Variants in WDR41 observed in about 807,000 individuals in gnomAD.
WDR41 encodes WD repeat-containing protein 41.
In WDR41, 63 loss-of-function variants were observed where a neutral mutation model predicts 69.3. That is an observed-to-expected ratio of 0.91 (90% CI 0.74 to 1.12). The LOEUF (loss-of-function observed/expected upper bound fraction) is 1.12, where lower values mean the gene tolerates loss of function less well. WDR41 is among the 50% of genes most tolerant of loss of function. The probability of loss-of-function intolerance (pLI) is 0.00; values close to 1 mark genes in which losing one functional copy is unlikely to be tolerated. For synonymous variants in WDR41, 185 were observed against 192.1 expected (o/e 0.96, Z 0.31); for missense variants, 543 against 534.5 (o/e 1.02, Z -0.16).
chr5:77,532,285 GA>G (rs765280764), intron 1 of WDR41, among the ~76,000 whole-genome samples: 2 of 151,968 alleles, frequency 1.3e-5, no homozygotes, highest in Non-Finnish European at 2.9e-5. Flanking sequence ...AGTTCAGGGG[GA>G]AAAATGGACA....
chr5:77,444,543 T>C (rs1397494086), intron 8 of WDR41, among the ~76,000 whole-genome samples: 2 of 152,262 alleles, frequency 1.3e-5, no homozygotes, highest in South Asian at 4.1e-4. Context: ...TCCACACTTG[T>C]TGGTATTCTC....
chr5:77,501,279 T>C (rs6883348), intron 1 of WDR41, among the ~76,000 whole-genome samples: 89,919 of 152,184 alleles, frequency 0.59, 27,845 homozygotes, highest in African/African-American at 0.77. Context: ...ACTGCTAGTG[T>C]AGCTGTCTGA....
chr5:77,471,315 G>C (rs1459766301), intron 2 of WDR41, among the ~76,000 whole-genome samples: 3 of 152,110 alleles, frequency 2.0e-5, no homozygotes, highest in East Asian at 1.9e-4. Flanking sequence ...ATGCCCACAA[G>C]AGAAAGCAGG....
chr5:77,434,087 C>G (rs893263833), intron 12 of WDR41, among the ~76,000 whole-genome samples: 3 of 151,790 alleles, frequency 2.0e-5, no homozygotes, highest in Non-Finnish European at 4.4e-5. Context: ...CTCAGCACTT[C>G]GGGAGGCTGA....
At chr5:77,598,654 TTG>T (rs71685763) in intron 1 of WDR41, among the ~76,000 whole-genome samples, 23,899 of 142,746 alleles carry the variant, frequency 0.17, 2,402 homozygotes, top group East Asian at 0.42. Context: ...CTTTTTTTTT[TTG>T]TTTTTTTTGT....
chr5:77,488,830 TATGTAATTATTATGGTG>T (rs1801637735), intron 2 of WDR41, among the ~76,000 whole-genome samples: 1 of 152,190 alleles, frequency 6.6e-6, no homozygotes, highest in African/African-American at 2.4e-5. Context: ...CACCACTAAT[TATGTAATTATTATGGTG>T]AAACATGCTA....
chr5:77,577,166 G>T (rs984313516), intron 1 of WDR41, among the ~76,000 whole-genome samples: 1 of 151,896 alleles, frequency 6.6e-6, no homozygotes, highest in Non-Finnish European at 1.5e-5. Flanking sequence ...GGCAAGCTTG[G>T]GTCATATGTC....
intron 2 of WDR41, among the ~76,000 whole-genome samples, chr5:77,469,067 A>C (rs569537673): frequency 6.6e-6 from 1 of 152,342 alleles, no homozygotes. Flanking sequence ...AGCCATAAAA[A>C]GGGATGAGTT....
intron 1 of WDR41, among the ~76,000 whole-genome samples, chr5:77,497,488 C>A (rs1581773868): frequency 6.6e-6 from 1 of 152,188 alleles, no homozygotes; most frequent in Non-Finnish European, 1.5e-5. Flanking sequence ...TCATTAAGCA[C>A]CTGAAAAGAA....
At chr5:77,519,714 G>T (rs1802344654) in intron 1 of WDR41, among the ~76,000 whole-genome samples, 1 of 151,288 alleles carries the variant, frequency 6.6e-6, no homozygotes, top group Admixed American at 6.6e-5. Flanking sequence ...TAGTTTAAGT[G>T]TTTATGTTAA....
intron 1 of WDR41, among the ~76,000 whole-genome samples, chr5:77,606,579 G>A (rs1201698123): frequency 6.6e-6 from 1 of 152,012 alleles, no homozygotes; most frequent in African/African-American, 2.4e-5. Flanking sequence ...AAGGAGGGAG[G>A]ATCACTTGAG....
At chr5:77,488,324 A>G (rs1349602116) in intron 2 of WDR41, among the ~76,000 whole-genome samples, 1 of 152,128 alleles carries the variant, frequency 6.6e-6, no homozygotes, top group Admixed American at 6.6e-5. Context: ...GAGAAGGCTG[A>G]GCACGGTGGC....
intron 1 of WDR41, among the ~76,000 whole-genome samples, chr5:77,585,216 T>C (rs1744016120): frequency 6.6e-6 from 1 of 151,662 alleles, no homozygotes; most frequent in South Asian, 2.1e-4. Context: ...AGAAACATAT[T>C]AAAAAATGCT....
intron 1 of WDR41, among the ~76,000 whole-genome samples, chr5:77,499,004 A>G (rs1801977330): frequency 6.6e-6 from 1 of 152,126 alleles, no homozygotes; most frequent in Non-Finnish European, 1.5e-5. Flanking sequence ...TAGGGAAAAT[A>G]TTTGCAAATT....
chr5:77,590,259 T>G (rs1744112357), intron 1 of WDR41, among the ~76,000 whole-genome samples: 1 of 152,232 alleles, frequency 6.6e-6, no homozygotes, highest in African/African-American at 2.4e-5. Flanking sequence ...TTTACAACTA[T>G]GTGTATCTGT....
chr5:77,573,395 T>G (rs1743768052), intron 1 of WDR41, among the ~76,000 whole-genome samples: 2 of 152,214 alleles, frequency 1.3e-5, no homozygotes. Context: ...ATAATTAGTT[T>G]CTGAAAACAT....
chr5:77,521,655 C>T (rs1225941792), intron 1 of WDR41, among the ~76,000 whole-genome samples: 3 of 152,200 alleles, frequency 2.0e-5, no homozygotes, highest in African/African-American at 7.2e-5. Flanking sequence ...CCTCACCTGA[C>T]CTGACCACAT....
At chr5:77,478,147 G>C (rs1020856984) in intron 2 of WDR41, among the ~76,000 whole-genome samples, 2 of 152,120 alleles carry the variant, frequency 1.3e-5, no homozygotes, top group African/African-American at 2.4e-5. Flanking sequence ...TCTCTGAATA[G>C]ACCAATAACA....
intron 2 of WDR41, among the ~76,000 whole-genome samples, chr5:77,474,563 G>A (rs974542011): frequency 6.6e-6 from 1 of 152,178 alleles, no homozygotes; most frequent in Admixed American, 6.5e-5. Flanking sequence ...GCATTTTCAG[G>A]AGCCATAGAT....
Sources: allele counts gnomAD v4.1 joint callset (sites outside exome capture counted in the v4.1 genomes callset), GRCh38; gene constraint gnomAD v4.1.1; transcripts MANE v1.5; gene names NCBI Gene and HGNC (gene_info 2026-07-23, HGNC 2026-07-21).